The following GCNT2 variants were observed in gnomAD, a reference collection of about 807,000 sequenced individuals.
GCNT2 encodes the protein N-acetyllactosaminide beta-1,6-N-acetylglucosaminyl-transferase.
GCNT2 carries 34 observed loss-of-function variants against 34.2 expected under a neutral mutation model. The observed-to-expected ratio is 1.00, with a 90% CI of 0.76 to 1.32. The LOEUF (loss-of-function observed/expected upper bound fraction) is 1.32. Ranked by LOEUF, GCNT2 falls within the 40% of genes most tolerant of loss-of-function variation. The pLI, the probability that GCNT2 is intolerant of heterozygous loss-of-function variation, is 0.00. For missense variants in GCNT2, 584 were observed against 489.4 expected (o/e 1.19, Z -1.82); for synonymous variants, 212 against 188.0 (o/e 1.13, Z -1.04).
chr6:10,547,584 C>G (rs1184590556), intron 3 of GCNT2, among the ~76,000 whole-genome samples: 1 of 152,158 alleles, frequency 6.6e-6, no homozygotes, highest in Non-Finnish European at 1.5e-5. Flanking sequence ...TATCACTTGG[C>G]TAAGATAGTG....
intron 3 of GCNT2, among the ~76,000 whole-genome samples, chr6:10,587,704 C>T (rs952135919): frequency 3.9e-5 from 6 of 152,222 alleles, no homozygotes; most frequent in Admixed American, 2.0e-4. Flanking sequence ...CAGAAGATAG[C>T]ACCAAGCTCC....
intron 3 of GCNT2, among the ~76,000 whole-genome samples, chr6:10,559,754 T>C (rs1762889455): frequency 1.3e-5 from 2 of 152,232 alleles, no homozygotes; most frequent in South Asian, 2.1e-4. Context: ...CAGTGGTCTG[T>C]CCTGTCTGAT....
chr6:10,563,772 AAAAAAATAT>A (rs1461774009), intron 3 of GCNT2, among the ~76,000 whole-genome samples: 1,228 of 58,916 alleles, frequency 0.021, 6 homozygotes, highest in Admixed American at 0.028. Context: ...AAAAAAAAAA[AAAAAAATAT>A]ATATATATAT....
At chr6:10,539,558 A>G (rs910413897) in intron 3 of GCNT2, among the ~76,000 whole-genome samples, 2 of 152,076 alleles carry the variant, frequency 1.3e-5, no homozygotes, top group African/African-American at 4.8e-5. Flanking sequence ...TATCCTGGGG[A>G]TAAAATATCT....
chr6:10,577,178 G>A (rs1581433340), intron 3 of GCNT2, among the ~76,000 whole-genome samples: 1 of 152,242 alleles, frequency 6.6e-6, no homozygotes, highest in East Asian at 1.9e-4. Flanking sequence ...CCTCCCTGAG[G>A]CTTTCTTGCA....
intron 3 of GCNT2, 92 bp downstream of exon 3, chr6:10,529,928 C>A: frequency 9.6e-7 from 1 of 1,036,908 alleles, no homozygotes; most frequent in Non-Finnish European, 1.5e-6. Context: ...AAAAATGGGA[C>A]AAACTTCTTT....
chr6:10,556,620 TC>T, intron 3 of GCNT2: 9 of 1,614,130 alleles, frequency 5.6e-6, no homozygotes, highest in Non-Finnish European at 7.6e-6. Flanking sequence ...AAACTAATGA[TC>T]CATGAGAAGT....
At chr6:10,549,733 C>T (rs1275795652) in intron 3 of GCNT2, among the ~76,000 whole-genome samples, 1 of 151,912 alleles carries the variant, frequency 6.6e-6, no homozygotes, top group Non-Finnish European at 1.5e-5. Context: ...CCCTTTCCTA[C>T]ACCGTCTTCG....
intron 3 of GCNT2, among the ~76,000 whole-genome samples, chr6:10,569,849 CTCTT>C (rs1399360510): frequency 1.4e-5 from 2 of 146,048 alleles, no homozygotes; most frequent in East Asian, 1.9e-4. Context: ...TCCTTCCTTT[CTCTT>C]TCTTTCTCTT....
chr6:10,570,206 A>T (rs1763497313), intron 3 of GCNT2, among the ~76,000 whole-genome samples: 1 of 152,190 alleles, frequency 6.6e-6, no homozygotes, highest in Non-Finnish European at 1.5e-5. Context: ...AAGTGTCGGG[A>T]TTACAGGCAT....
chr6:10,544,634 TTAAATAAATAAA>T (rs60548681), intron 3 of GCNT2, among the ~76,000 whole-genome samples: 19 of 149,276 alleles, frequency 1.3e-4, no homozygotes, highest in African/African-American at 3.7e-4. Flanking sequence ...AAATAAAATA[TTAAATAAATAAA>T]TAAATAAATA....
chr6:10,569,882 T>C (rs763459134), intron 3 of GCNT2, among the ~76,000 whole-genome samples: 1,520 of 150,596 alleles, frequency 0.01, 25 homozygotes, highest in African/African-American at 0.031. Flanking sequence ...TCTTTCTCTT[T>C]CTTTTTCTTT....
intron 3 of GCNT2, among the ~76,000 whole-genome samples, chr6:10,548,393 G>A (rs1762352935): frequency 6.6e-6 from 1 of 152,202 alleles, no homozygotes; most frequent in South Asian, 2.1e-4. Context: ...AAGAGCTTGG[G>A]AACAAAGCCG....
chr6:10,621,344 A>G lies in GCNT2; in HGVS notation c.926-7A>G, dbSNP rs373513508. The G allele has an allele frequency of 2.7e-5, 43 of 1,581,382 alleles. No homozygotes were observed. The highest frequency in any genetic ancestry group is 3.6e-5 in the Non-Finnish European group (42 of 1,150,912). ...ATCTCTACGCTTCTTCTTTATCAAC[A>G]TTGCAGGTGTTCCTGGCTCTATGCC... On this transcript the variant is annotated splice_polypyrimidine_tract_variant and splice_region_variant and intron_variant, in intron 3 of 4. Coordinates refer to ENST00000495262, the MANE Select transcript of GCNT2 (RefSeq NM_145649.5).
intron 3 of GCNT2, among the ~76,000 whole-genome samples, chr6:10,585,076 T>TGC (rs1411750518): frequency 8.8e-5 from 8 of 90,534 alleles, no homozygotes; most frequent in South Asian, 7.7e-4. Flanking sequence ...TGTGTGTGTG[T>TGC]GTGCGCGCTA....
At chr6:10,538,437 A>AAATATATATATATATAT (rs1554127249) in intron 3 of GCNT2, among the ~76,000 whole-genome samples, 2 of 73,344 alleles carry the variant, frequency 2.7e-5, no homozygotes, top group African/African-American at 2.4e-4. Flanking sequence ...AAAAAAAAAA[A>AAATATATATATATATAT]ATATATATAT....
At chr6:10,533,903 T>C (rs1581368189) in intron 3 of GCNT2, among the ~76,000 whole-genome samples, 1 of 147,812 alleles carries the variant, frequency 6.8e-6, no homozygotes, top group East Asian at 2.0e-4. Context: ...GCAGGGGAGG[T>C]GGACCACGCA....
chr6:10,546,657 T>TAAAAG (rs754564240), intron 3 of GCNT2, among the ~76,000 whole-genome samples: 7 of 152,140 alleles, frequency 4.6e-5, no homozygotes, highest in Non-Finnish European at 8.8e-5. Context: ...AGACTCCGTT[T>TAAAAG]AAAAGAAAAG....
chr6:10,592,834 A>G (rs976233250), intron 3 of GCNT2, among the ~76,000 whole-genome samples: 1 of 152,020 alleles, frequency 6.6e-6, no homozygotes, highest in Non-Finnish European at 1.5e-5. Flanking sequence ...TCTGCCTCCC[A>G]GGTTCAAGCA....
Sources: gnomAD v4.1 joint callset for allele counts (sites outside exome capture counted in the v4.1 genomes callset) on GRCh38, gnomAD v4.1.1 for gene constraint, MANE v1.5 for transcripts, NCBI Gene and HGNC (gene_info 2026-07-23, HGNC 2026-07-21) for gene names.